Variants in TMEM108 observed in about 807,000 individuals in gnomAD.
The protein encoded by TMEM108 is cancer/testis antigen 124.
A neutral mutation model predicts 35.1 loss-of-function variants in TMEM108; 12 were observed. That is an observed-to-expected ratio of 0.34 (90% CI 0.22 to 0.55). TMEM108 has a LOEUF of 0.55. Among genes scored for constraint, TMEM108 ranks in the 20% least tolerant of loss-of-function variants. The pLI is 0.89. For missense variants in TMEM108, 680 were observed against 753.3 expected (o/e 0.90, Z 1.14); for synonymous variants, 287 against 308.6 (o/e 0.93, Z 0.73).
intron 3 of TMEM108, among the ~76,000 whole-genome samples, chr3:133,273,739 T>C (rs1292212605): frequency 1.3e-5 from 2 of 152,212 alleles, no homozygotes; most frequent in Non-Finnish European, 2.9e-5. Context: ...CTCTATTTCA[T>C]CCATTTGCAA....
rs57783382 is a variant in TMEM108 at position 133,065,284 on chromosome 3, CCA to C, written c.-47+19282_-47+19283del. Reference sequence around the variant, plus strand: ...TACAAATAAACACTTACATAGGTAGCCACACACACACACACACACGCACATGC... The same window carrying C: ...TACAAATAAACACTTACATAGGTAGCCACACACACACACACACGCACATGC... On this transcript the variant is annotated intron_variant, in intron 2 of 5. Coordinates refer to ENST00000321871, the MANE Select transcript of TMEM108 (RefSeq NM_023943.4). Among the ~76,000 whole-genome samples, 1,442 of 149,624 alleles carry C rather than the reference CCA, an allele frequency of 9.6e-3. 31 individuals are homozygous for C. The highest frequency in any genetic ancestry group is 0.033 in the African/African-American group (1,345 of 40,818).
intron 3 of TMEM108, among the ~76,000 whole-genome samples, chr3:133,324,779 C>T (rs1422488197): frequency 3.3e-5 from 5 of 152,152 alleles, no homozygotes; most frequent in African/African-American, 1.2e-4. Flanking sequence ...AGTTCAAGAC[C>T]AGCCTGGCCA....
At chr3:133,331,881 T>C (rs540366317) in intron 3 of TMEM108, among the ~76,000 whole-genome samples, 1 of 152,282 alleles carries the variant, frequency 6.6e-6, no homozygotes, top group East Asian at 1.9e-4. Flanking sequence ...TGAGTTCAAT[T>C]TTCTGGCTAC....
intron 3 of TMEM108, among the ~76,000 whole-genome samples, chr3:133,240,649 G>C (rs1167078778): frequency 1.3e-5 from 2 of 152,150 alleles, no homozygotes; most frequent in Non-Finnish European, 2.9e-5. Context: ...GTGGGAGAAA[G>C]CATAGAATTT....
chr3:133,302,254 C>T (rs1481480785), intron 3 of TMEM108, among the ~76,000 whole-genome samples: 3 of 152,170 alleles, frequency 2.0e-5, no homozygotes, highest in African/African-American at 2.4e-5. Context: ...AGTGTAACCA[C>T]ATGAGTGCAT....
At chr3:133,334,800 C>T (rs1383483220) in intron 3 of TMEM108, among the ~76,000 whole-genome samples, 1 of 152,196 alleles carries the variant, frequency 6.6e-6, no homozygotes, top group African/African-American at 2.4e-5. Context: ...TTAGGCATAA[C>T]TGATACATGG....
At chr3:133,156,613 G>T (rs1254811141) in intron 2 of TMEM108, among the ~76,000 whole-genome samples, 1 of 152,220 alleles carries the variant, frequency 6.6e-6, no homozygotes, top group Non-Finnish European at 1.5e-5. Flanking sequence ...CAAGGGTGGA[G>T]TAGAAATCGA....
At chr3:133,294,655 T>G (rs1947118457) in intron 3 of TMEM108, among the ~76,000 whole-genome samples, 1 of 152,210 alleles carries the variant, frequency 6.6e-6, no homozygotes, top group Admixed American at 6.5e-5. Flanking sequence ...TTTTTTAAAC[T>G]TCTGTAACTA....
intron 3 of TMEM108, among the ~76,000 whole-genome samples, chr3:133,318,364 G>A (rs2071224350): frequency 6.6e-6 from 1 of 152,188 alleles, no homozygotes. Flanking sequence ...TAGTCTCATA[G>A]TTGCTTCTTT....
chr3:133,265,469 T>C (rs1280403153), intron 3 of TMEM108, among the ~76,000 whole-genome samples: 2 of 152,152 alleles, frequency 1.3e-5, no homozygotes, highest in East Asian at 3.9e-4. Flanking sequence ...CCTCCTATCA[T>C]TTGCTGAGGC....
intron 2 of TMEM108, among the ~76,000 whole-genome samples, chr3:133,094,027 TAC>T (rs1439828604): frequency 6.6e-6 from 1 of 152,140 alleles, no homozygotes; most frequent in Non-Finnish European, 1.5e-5. Context: ...CTTGAGTTGT[TAC>T]AGTTAATAGG....
chr3:133,333,978 CT>C (rs1043090486), intron 3 of TMEM108, among the ~76,000 whole-genome samples: 3 of 152,204 alleles, frequency 2.0e-5, no homozygotes, highest in Non-Finnish European at 4.4e-5. Context: ...GTGGAAGTTC[CT>C]TTTTTTATAA....
At chr3:133,277,412 A>G (rs1946853542) in intron 3 of TMEM108, among the ~76,000 whole-genome samples, 1 of 152,254 alleles carries the variant, frequency 6.6e-6, no homozygotes, top group African/African-American at 2.4e-5. Flanking sequence ...TTATTATACT[A>G]TTCTTGTAAC....
intron 3 of TMEM108, among the ~76,000 whole-genome samples, chr3:133,347,752 A>G (rs575388041): frequency 6.6e-6 from 1 of 152,240 alleles, no homozygotes; most frequent in East Asian, 1.9e-4. Context: ...GTTAATAAAA[A>G]CGTAATACTT....
At chr3:133,154,680 G>A (rs906985680) in intron 2 of TMEM108, among the ~76,000 whole-genome samples, 10 of 151,948 alleles carry the variant, frequency 6.6e-5, no homozygotes, top group African/African-American at 2.4e-4. Flanking sequence ...ATGGACACAG[G>A]AAGGGGAACA....
At chr3:133,183,379 G>A (rs1162620892) in intron 2 of TMEM108, among the ~76,000 whole-genome samples, 1 of 148,056 alleles carries the variant, frequency 6.8e-6, no homozygotes, top group African/African-American at 2.7e-5. Flanking sequence ...GTAGGAGATG[G>A]TGGCACTGGG....
intron 3 of TMEM108, among the ~76,000 whole-genome samples, chr3:133,350,944 A>G (rs1045626661): frequency 4.6e-5 from 7 of 152,192 alleles, no homozygotes; most frequent in African/African-American, 1.4e-4. Context: ...TATGACATTG[A>G]CATCCAGGAT....
At chr3:133,324,311 C>CA (rs1303632032) in intron 3 of TMEM108, among the ~76,000 whole-genome samples, 1 of 152,044 alleles carries the variant, frequency 6.6e-6, no homozygotes, top group Non-Finnish European at 1.5e-5. Context: ...ACAAGGAACT[C>CA]AAACAAGTCA....
At chr3:133,094,073 A>C (rs1288295228) in intron 2 of TMEM108, among the ~76,000 whole-genome samples, 1 of 152,102 alleles carries the variant, frequency 6.6e-6, no homozygotes, top group African/African-American at 2.4e-5. Flanking sequence ...ATTATAGCCA[A>C]AGTTTCCGGT....
Sources: allele counts gnomAD v4.1 joint callset (sites outside exome capture counted in the v4.1 genomes callset), GRCh38; gene constraint gnomAD v4.1.1; transcripts MANE v1.5; gene names NCBI Gene and HGNC (gene_info 2026-07-23, HGNC 2026-07-21).